The following CRTAP variants were observed in gnomAD, a reference collection of about 807,000 sequenced individuals.
CRTAP encodes cartilage associated protein.
Under a neutral mutation model 42.7 loss-of-function variants are expected in CRTAP, and 33 were observed. That is an observed-to-expected ratio of 0.77 (90% CI 0.59 to 1.03). CRTAP has a LOEUF of 1.03. CRTAP is among the 50% of genes least tolerant of loss of function. The pLI is 0.00. For missense variants in CRTAP, 613 were observed against 533.9 expected, an observed-to-expected ratio of 1.15 and a Z score of -1.46; for synonymous variants, 243 against 217.7, an observed-to-expected ratio of 1.12 and a Z score of -1.02.
chr3:33,146,600 G>C lies in CRTAP; in HGVS notation c.*4152G>C, dbSNP rs1156922321. 1 of 152,220 alleles carries C rather than the reference G, an allele frequency of 6.6e-6. No individual in the cohort carries two copies. The highest frequency in any genetic ancestry group is 1.5e-5 in the Non-Finnish European group (1 of 68,050). 9.4% of individuals were successfully genotyped at this position (152,220 alleles called of 1,614,324 possible). On this transcript the variant is annotated 3_prime_UTR_variant, in exon 7 of 7. Coordinates refer to ENST00000320954, the MANE Select transcript of CRTAP (RefSeq NM_006371.5). ...ACTTTCTAATTACTACAACTAACCTGTTGTGCTCACCTCTGGAATTCAGAA... is the reference window on the plus strand; with the variant it reads ...ACTTTCTAATTACTACAACTAACCTCTTGTGCTCACCTCTGGAATTCAGAA...
At position 33,142,775 on chromosome 3, in the gene CRTAP, C is replaced by T. The variant is rs1230238290; in HGVS notation, c.*327C>T. On this transcript the variant is annotated 3_prime_UTR_variant, in exon 7 of 7. Transcript: ENST00000320954. ...GTTCAAGCAATTCTGCTGCATCAGC[C>T]TCCCGAGTACCTGGGATTACAGGCA... 3.6e-6 allele frequency: 1 copy of T among 280,216 alleles called. No individual in the cohort carries two copies. The highest frequency in any genetic ancestry group is 7.0e-6 in the Non-Finnish European group (1 of 142,834). The allele number at this position is 280,216 out of a possible 1,614,324, so 17.4% of individuals were successfully genotyped here.
chr3:33,139,227 C>T (rs2030506215), intron 6 of CRTAP, among the ~76,000 whole-genome samples: 1 of 151,900 alleles, frequency 6.6e-6, no homozygotes, highest in African/African-American at 2.4e-5. Context: ...TGCTGGAGCT[C>T]AGGAGTGGGA....
At chr3:33,137,735 CT>C (rs2030463603) in intron 6 of CRTAP, among the ~76,000 whole-genome samples, 1 of 152,102 alleles carries the variant, frequency 6.6e-6, no homozygotes, top group South Asian at 2.1e-4. Context: ...TCTTTTGTTG[CT>C]TTTGTGTTGT....
intron 6 of CRTAP, among the ~76,000 whole-genome samples, chr3:33,140,079 T>C (rs1304325967): frequency 6.6e-6 from 1 of 152,218 alleles, no homozygotes; most frequent in African/African-American, 2.4e-5. Context: ...GCTGTGAACA[T>C]TTTCAAGACT....
In CRTAP at chr3:33,114,564, C is replaced by A. The variant is rs774287562; in HGVS notation, c.471+16C>A. The A allele has an allele frequency of 6.4e-7, 1 of 1,563,044 alleles. No homozygotes were observed. The highest frequency in any genetic ancestry group is 2.4e-5 in the East Asian group (1 of 42,542). ...TTACTTCAAGGCAAGTCCGCCTCGCCCCGTCCCAGGCCCCGGCCCCGCCCC... is the reference window on the plus strand; with the variant it reads ...TTACTTCAAGGCAAGTCCGCCTCGCACCGTCCCAGGCCCCGGCCCCGCCCC... On this transcript the variant is annotated intron_variant, in intron 1 of 6. Coordinates refer to ENST00000320954, the MANE Select transcript of CRTAP (RefSeq NM_006371.5).
intron 6 of CRTAP, among the ~76,000 whole-genome samples, chr3:33,136,309 G>A (rs1245090462): frequency 1.3e-5 from 2 of 152,222 alleles, no homozygotes; most frequent in Admixed American, 6.5e-5. Flanking sequence ...GTTGATGGAT[G>A]TTTGGGTTGG....
chr3:33,126,056 C>T (rs1301984025), intron 3 of CRTAP, among the ~76,000 whole-genome samples: 1 of 152,210 alleles, frequency 6.6e-6, no homozygotes, highest in African/African-American at 2.4e-5. Flanking sequence ...GTGCAACCAT[C>T]AGCACCATCC....
intron 2 of CRTAP, 115 bp from the exon 3 acceptor site, chr3:33,124,293 T>G (rs765027914): frequency 5.2e-5 from 63 of 1,215,946 alleles, no homozygotes; most frequent in Non-Finnish European, 6.6e-5. Flanking sequence ...CCAGTGTGGC[T>G]TCTTCAGAGC....
rs200565956 is a variant in CRTAP, at chr3:33,124,611, C to T, written c.793+32C>T. 4 of 1,607,974 alleles carry T rather than the reference C, an allele frequency of 2.5e-6. No homozygotes were observed. In the East Asian group the frequency reaches 6.7e-5, roughly 27 times the overall value. On this transcript the variant is annotated intron_variant, in intron 3 of 6. Coordinates refer to ENST00000320954, the MANE Select transcript of CRTAP (RefSeq NM_006371.5). ...GGTAGGTCAATAGGCTCACTACTCC[C>T]ATGGAATAGTCTTCCTTAGATGTCT...
rs137911725 is a variant in CRTAP, at chr3:33,123,346, G to T, written c.622-1062G>T. 4.7e-3 allele frequency among the ~76,000 whole-genome samples: 713 copies of T among 152,264 alleles called. 3 individuals carry two copies. The highest frequency in any genetic ancestry group is 0.016 in the African/African-American group (680 of 41,546). ...CTGGTGGGAGGTGATTGGATCATGG[G>T]AGTGGATCCTTTATTAATGGTTTAG... is the stretch of plus-strand genomic sequence containing the variant. On this transcript the variant is annotated intron_variant, in intron 2 of 6. Transcript: ENST00000320954.
chr3:33,130,130 G>T, intron 4 of CRTAP, 63 bp downstream of exon 4: 1 of 1,502,496 alleles, frequency 6.7e-7, no homozygotes, highest in Non-Finnish European at 9.2e-7. Flanking sequence ...GTAAAATAGA[G>T]GTAATAACTC....
intron 4 of CRTAP, among the ~76,000 whole-genome samples, chr3:33,131,268 G>C (rs1436667031): frequency 6.6e-6 from 1 of 151,272 alleles, no homozygotes; most frequent in Non-Finnish European, 1.5e-5. Context: ...TTTTTTGCGG[G>C]GGGGGGTTCC....
chr3:33,114,553 G>T lies in CRTAP; in HGVS notation c.471+5G>T. ...CTGCAGTTCGCTTACTTCAAGGCAAGTCCGCCTCGCCCCGTCCCAGGCCCC... is the reference window on the plus strand; with the variant it reads ...CTGCAGTTCGCTTACTTCAAGGCAATTCCGCCTCGCCCCGTCCCAGGCCCC... On this transcript the variant is annotated splice_donor_5th_base_variant and intron_variant, in intron 1 of 6. Transcript: ENST00000320954. 1 of 1,573,558 alleles carries T rather than the reference G, an allele frequency of 6.4e-7. No individual in the cohort carries two copies. The highest frequency in any genetic ancestry group is 8.6e-7 in the Non-Finnish European group (1 of 1,160,476).
chr3:33,132,762 G>C, intron 5 of CRTAP, 62 bp downstream of exon 5: 1 of 1,590,762 alleles, frequency 6.3e-7, no homozygotes. Flanking sequence ...AGACTACCTC[G>C]TGCCTTAAGA....
At chr3:33,131,524 T>C (rs1219175406) in intron 4 of CRTAP, among the ~76,000 whole-genome samples, 1 of 152,146 alleles carries the variant, frequency 6.6e-6, no homozygotes, top group Admixed American at 6.5e-5. Flanking sequence ...TCGCCCTGCA[T>C]ATCAGAAACT....
chr3:33,120,743 TA>T (rs1393354521), intron 2 of CRTAP, among the ~76,000 whole-genome samples: 2 of 152,260 alleles, frequency 1.3e-5, no homozygotes, highest in South Asian at 2.1e-4. Flanking sequence ...GTCATTTAAT[TA>T]TTTAGTTTTA....
chr3:33,120,442 C>T lies in CRTAP; in HGVS notation c.570C>T (p.Ser190=). The change falls in exon 2 of 7, where the codon AGC becomes AGT. Residue 190 remains serine (S), a synonymous_variant. Transcript: ENST00000320954. The part of the protein sequence containing the change: ...MMKRNMAYYK[S]LPGAEDYIKD... ...AGAGGAACATGGCATATTATAAGAG[C>T]CTGCCTGGTGCCGAGGACTACATTA... is the stretch of plus-strand genomic sequence containing the variant. 1 of 1,611,856 alleles carries T rather than the reference C, an allele frequency of 6.2e-7. No individual in the cohort carries two copies. The highest frequency in any genetic ancestry group is 2.2e-5 in the East Asian group (1 of 44,876).
intron 4 of CRTAP, among the ~76,000 whole-genome samples, chr3:33,131,162 C>A (rs982681278): frequency 6.6e-6 from 1 of 152,024 alleles, no homozygotes. Flanking sequence ...GTCGCCCCTT[C>A]ACACTCAGGA....
chr3:33,114,577 C>T, intron 1 of CRTAP, 29 bp downstream of exon 1: 1 of 1,550,154 alleles, frequency 6.5e-7, no homozygotes, highest in Non-Finnish European at 8.7e-7. Flanking sequence ...GTCCCAGGCC[C>T]CGGCCCCGCC....
Sources: gnomAD v4.1 joint callset for allele counts (sites outside exome capture counted in the v4.1 genomes callset) on GRCh38, gnomAD v4.1.1 for gene constraint, MANE v1.5 for transcripts, NCBI Gene and HGNC (gene_info 2026-07-23, HGNC 2026-07-21) for gene names.